Variants in BBS4 observed in about 807,000 individuals in gnomAD.
BBS4 encodes the protein BBSome complex member BBS4.
BBS4 carries 58 observed loss-of-function variants against 71.4 expected under a neutral mutation model. The observed-to-expected ratio is 0.81, with a 90% CI of 0.66 to 1.01. The LOEUF (loss-of-function observed/expected upper bound fraction) is 1.01. Ranked by LOEUF, BBS4 falls within the 50% of genes least tolerant of loss-of-function variation. The probability of loss-of-function intolerance (pLI) is 0.00; values close to 1 mark genes in which losing one functional copy is unlikely to be tolerated. For missense variants in BBS4, 660 were observed against 607.9 expected (o/e 1.09, Z -0.90); for synonymous variants, 228 against 216.8 (o/e 1.05, Z -0.46).
intron 1 of BBS4, among the ~76,000 whole-genome samples, chr15:72,690,432 C>CA (rs1163659613): frequency 1.3e-5 from 2 of 152,082 alleles, no homozygotes; most frequent in African/African-American, 4.8e-5. Flanking sequence ...AAAGACTCAT[C>CA]AAAAAAATAA....
intron 1 of BBS4, chr15:72,686,893 A>C: frequency 3.4e-6 from 1 of 294,648 alleles, no homozygotes; most frequent in Non-Finnish European, 6.7e-6. Context: ...TTGGGTTTGA[A>C]AGCCTGTTCT....
chr15:72,703,121 C>T lies in BBS4; in HGVS notation c.77-6579C>T, dbSNP rs1452133353. On this transcript the variant is annotated intron_variant, in intron 2 of 15. Coordinates refer to ENST00000268057, the MANE Select transcript of BBS4 (RefSeq NM_033028.5). ...CCATCGCGCCCGGCCGAGGAGCTGA[C>T]TCTTGCAGCCTCCTTTTCTTCCCAG... Among the ~76,000 whole-genome samples, 4 of 152,258 alleles carry T rather than the reference C, an allele frequency of 2.6e-5. No individual in the cohort carries two copies. The East Asian group carries it at 5.8e-4, about 22-fold the overall frequency.
rs8033604 is a variant in BBS4 at position 72,709,694 on chromosome 15, G to A, written c.77-6G>A. On this transcript the variant is annotated splice_region_variant and splice_polypyrimidine_tract_variant and intron_variant, in intron 2 of 15. Transcript: ENST00000268057. ...GTTGTTTGTTTTGTCAAAATATGCT[G>A]CCTAGCTCCAGAGTTTCCTATTTTG... 1,589,434 of 1,604,748 alleles carry A rather than the reference G, an allele frequency of 0.99. 788,343 individuals are homozygous for A. The highest frequency in any genetic ancestry group is 1 in the East Asian group (44,820 of 44,820).
At chr15:72,728,419 A>G (rs1249816811) in intron 9 of BBS4, among the ~76,000 whole-genome samples, 1 of 151,608 alleles carries the variant, frequency 6.6e-6, no homozygotes, top group East Asian at 1.9e-4. Flanking sequence ...GATTGCTTGA[A>G]CTCGGAAGGC....
intron 1 of BBS4, chr15:72,686,697 T>C (rs2064850934): frequency 1.5e-6 from 1 of 682,150 alleles, no homozygotes; most frequent in Non-Finnish European, 2.2e-6. Context: ...TGATTAAGTT[T>C]AGGAAAGTAC....
intron 2 of BBS4, among the ~76,000 whole-genome samples, chr15:72,709,408 A>G (rs1168116546): frequency 2.0e-5 from 3 of 152,222 alleles, no homozygotes; most frequent in African/African-American, 7.2e-5. Context: ...AGAGATTGAG[A>G]AGAGACGAAG....
intron 1 of BBS4, chr15:72,686,953 A>AT (rs1305120794): frequency 1.7e-5 from 4 of 228,850 alleles, no homozygotes; most frequent in African/African-American, 9.2e-5. Flanking sequence ...TGTCTTTCGA[A>AT]AAACGCCCTG....
At chr15:72,688,597 G>T (rs1174752312) in intron 1 of BBS4, among the ~76,000 whole-genome samples, 1 of 151,756 alleles carries the variant, frequency 6.6e-6, no homozygotes, top group Non-Finnish European at 1.5e-5. Context: ...TGGAGATGGG[G>T]TTTCACCACG....
rs990984115 is a variant in BBS4, at chr15:72,695,191, T to G, written c.39T>G (p.Pro13=). ...EERVATRTQF[P]VSTESQKPRQ... ...TTTCATTTCAGAGAACTCAATTTCC[T>G]GTATCTACTGAGTCTCAAAAACCCC... Residue 13 remains proline (P), a synonymous_variant, in exon 2 of 16, where the codon CCT becomes CCG. Transcript: ENST00000268057. The G allele has an allele frequency of 6.2e-7, 1 of 1,606,966 alleles. No homozygotes were observed. Among genetic ancestry groups the G allele is most frequent in the Non-Finnish European group, 8.5e-7 (1 of 1,173,768 alleles).
At chr15:72,698,237 G>A (rs1021755621) in intron 2 of BBS4, among the ~76,000 whole-genome samples, 5 of 152,146 alleles carry the variant, frequency 3.3e-5, no homozygotes, top group Admixed American at 1.3e-4. Context: ...ATTTATTATT[G>A]TAAAATATAT....
chr15:72,729,756 G>C (rs1037873884), intron 10 of BBS4, 72 bp downstream of exon 10: 2 of 1,274,502 alleles, frequency 1.6e-6, no homozygotes, highest in Non-Finnish European at 2.3e-6. Flanking sequence ...TCTGACCCTG[G>C]AAAGCAAAGG....
chr15:72,719,470 CTCCTGTCCTCAAGT>C (rs1479701580), intron 6 of BBS4, among the ~76,000 whole-genome samples: 1 of 151,898 alleles, frequency 6.6e-6, no homozygotes, highest in African/African-American at 2.4e-5. Context: ...TGGTCTCAAG[CTCCTGTCCTCAAGT>C]GATCCTCCTG....
chr15:72,719,083 G>T (rs770586955), intron 6 of BBS4, among the ~76,000 whole-genome samples: 1 of 151,612 alleles, frequency 6.6e-6, no homozygotes, highest in Non-Finnish European at 1.5e-5. Flanking sequence ...TTGTCTGTTT[G>T]AGACGGCACA....
intron 13 of BBS4, 130 bp from the exon 14 acceptor site, chr15:72,735,694 TA>T: frequency 8.6e-7 from 1 of 1,158,574 alleles, no homozygotes; most frequent in Non-Finnish European, 1.3e-6. Context: ...AGCACGTATG[TA>T]CCTACCTTGC....
At chr15:72,717,026 G>A (rs2065479282) in intron 6 of BBS4, 176 bp downstream of exon 6, 1 of 617,978 alleles carries the variant, frequency 1.6e-6, no homozygotes, top group African/African-American at 1.8e-5. Context: ...TCATAACTTT[G>A]CAGGCATTGC....
chr15:72,698,225 T>A (rs2065110947), intron 2 of BBS4, among the ~76,000 whole-genome samples: 1 of 152,180 alleles, frequency 6.6e-6, no homozygotes, highest in South Asian at 2.1e-4. Flanking sequence ...TTTAATAGAA[T>A]AATTTATTAT....
At chr15:72,688,320 A>C (rs911766359) in intron 1 of BBS4, among the ~76,000 whole-genome samples, 2 of 151,026 alleles carry the variant, frequency 1.3e-5, no homozygotes, top group Non-Finnish European at 3.0e-5. Flanking sequence ...ATTTATTGCT[A>C]GTAGTGTTAC....
In BBS4 at chr15:72,715,387, A is replaced by G. The variant is rs139038321; in HGVS notation, c.317A>G (p.Gln106Arg). The change falls in exon 5 of 16, where the codon CAG becomes CGG. Residue 106 changes from glutamine (Q) to arginine (R), a missense_variant. Physicochemically the swap from Gln to Arg is conservative, Grantham distance 43. Coordinates refer to ENST00000268057, the MANE Select transcript of BBS4 (RefSeq NM_033028.5). ...CCTCAGAGTGCTGATAACCTCAAGC[A>G]GGTGGCCAGATCTTTGTGAGTATTG... is the stretch of plus-strand genomic sequence containing the variant. ...LSPQSADNLKQVARSLFLLGK... is the reference protein window; with the variant it reads ...LSPQSADNLKRVARSLFLLGK... 24 of 1,613,564 alleles carry G rather than the reference A, an allele frequency of 1.5e-5. No individual in the cohort carries two copies. The highest frequency in any genetic ancestry group is 2.0e-5 in the Non-Finnish European group (24 of 1,179,466).
At chr15:72,700,646 T>C (rs915930021) in intron 2 of BBS4, among the ~76,000 whole-genome samples, 2 of 152,196 alleles carry the variant, frequency 1.3e-5, no homozygotes, top group Non-Finnish European at 2.9e-5. Flanking sequence ...TATTGATTTG[T>C]GAGACTTCTT....
Sources: allele counts gnomAD v4.1 joint callset (sites outside exome capture counted in the v4.1 genomes callset), GRCh38; gene constraint gnomAD v4.1.1; transcripts MANE v1.5; gene names NCBI Gene and HGNC (gene_info 2026-07-23, HGNC 2026-07-21).